Variants in ATE1 observed in about 807,000 individuals in gnomAD.
ATE1 encodes arginyl-tRNA--protein transferase 1.
A neutral mutation model predicts 70.5 loss-of-function variants in ATE1; 36 were observed. The observed-to-expected ratio is 0.51, with a 90% CI of 0.39 to 0.67. ATE1 has a LOEUF of 0.67. Among genes scored for constraint, ATE1 ranks in the 30% least tolerant of loss-of-function variants. The probability of loss-of-function intolerance (pLI) is 0.00; values close to 1 mark genes in which losing one functional copy is unlikely to be tolerated. For missense variants in ATE1, 593 were observed against 629.5 expected, an observed-to-expected ratio of 0.94 and a Z score of 0.62; for synonymous variants, 232 against 219.3, an observed-to-expected ratio of 1.06 and a Z score of -0.51.
chr10:121,903,382 G>A (rs1368071258), intron 5 of ATE1, among the ~76,000 whole-genome samples: 3 of 152,066 alleles, frequency 2.0e-5, no homozygotes, highest in African/African-American at 7.2e-5. Flanking sequence ...TGATCCCAGC[G>A]CAAACACTGA....
intron 11 of ATE1, among the ~76,000 whole-genome samples, chr10:121,746,550 A>G (rs1273818817): frequency 1.3e-5 from 2 of 152,182 alleles, no homozygotes; most frequent in Non-Finnish European, 2.9e-5. Context: ...CTATAAATCA[A>G]CGGGACTGTT....
At chr10:121,898,639 A>T (rs534209706) in intron 7 of ATE1, among the ~76,000 whole-genome samples, 1 of 152,286 alleles carries the variant, frequency 6.6e-6, no homozygotes, top group Admixed American at 6.5e-5. Flanking sequence ...GTTCCTAGAG[A>T]AAACACTAAG....
intron 10 of ATE1, among the ~76,000 whole-genome samples, chr10:121,806,627 G>A (rs1271052946): frequency 1.3e-5 from 2 of 152,182 alleles, no homozygotes; most frequent in Non-Finnish European, 1.5e-5. Context: ...TGACAATGAT[G>A]TTGCAGTTAG....
intron 10 of ATE1, among the ~76,000 whole-genome samples, chr10:121,815,410 C>T (rs1338003839): frequency 1.3e-5 from 2 of 152,246 alleles, no homozygotes; most frequent in Admixed American, 6.5e-5. Context: ...GCTGGGATTA[C>T]AGGCGTGAGC....
rs371638194 is a variant in ATE1, at chr10:121,900,219, C to T, written c.814-225G>A. Among the ~76,000 whole-genome samples the T allele has an allele frequency of 3.3e-4, 51 of 152,272 alleles. No individual in the cohort carries two copies. In the South Asian group the frequency reaches 7.7e-3, roughly 23 times the overall value. On this transcript the variant is annotated intron_variant, in intron 6 of 11. Transcript: ENST00000224652. ...GGACGATCCCCTCTAAACTATAAGC[C>T]TCAGCTTTCATGACTGAATTATGTA...
intron 7 of ATE1, among the ~76,000 whole-genome samples, chr10:121,892,922 C>T (rs545219412): frequency 3.3e-5 from 5 of 152,288 alleles, no homozygotes; most frequent in Non-Finnish European, 5.9e-5. Context: ...CCCTCTAGGG[C>T]GTGACATCAG....
At chr10:121,794,640 G>A (rs926089254) in intron 10 of ATE1, among the ~76,000 whole-genome samples, 79 of 50,610 alleles carry the variant, frequency 1.6e-3, no homozygotes, top group Non-Finnish European at 2.1e-3. Context: ...AAAAGGAGAA[G>A]AGAATACCAA....
intron 8 of ATE1, among the ~76,000 whole-genome samples, chr10:121,851,146 TGTG>T (rs1487817351): frequency 3.5e-5 from 4 of 113,774 alleles, no homozygotes; most frequent in Non-Finnish European, 5.1e-5. Flanking sequence ...CCAGGCAGGG[TGTG>T]GTGGCTCACA....
At chr10:121,771,998 C>G (rs1029229556) in intron 11 of ATE1, among the ~76,000 whole-genome samples, 2 of 152,156 alleles carry the variant, frequency 1.3e-5, no homozygotes, top group Non-Finnish European at 2.9e-5. Flanking sequence ...TTTGTAAGAA[C>G]AATATTCTCG....
intron 7 of ATE1, among the ~76,000 whole-genome samples, chr10:121,894,019 C>A (rs1368414025): frequency 2.6e-5 from 4 of 151,974 alleles, no homozygotes; most frequent in African/African-American, 9.7e-5. Context: ...CGCCTGTAAT[C>A]CCAGCTACTA....
intron 11 of ATE1, among the ~76,000 whole-genome samples, chr10:121,756,463 G>A (rs1944806157): frequency 6.6e-6 from 1 of 152,186 alleles, no homozygotes; most frequent in African/African-American, 2.4e-5. Context: ...GGACTCTGTG[G>A]GAGGGCTCCA....
chr10:121,815,499 A>G (rs1325477553), intron 10 of ATE1, among the ~76,000 whole-genome samples: 2 of 152,182 alleles, frequency 1.3e-5, no homozygotes, highest in Admixed American at 1.3e-4. Context: ...TTTGCTAGAC[A>G]TATCTCATTG....
At chr10:121,882,614 T>G (rs1033186568) in intron 7 of ATE1, among the ~76,000 whole-genome samples, 1 of 152,202 alleles carries the variant, frequency 6.6e-6, no homozygotes, top group African/African-American at 2.4e-5. Flanking sequence ...AGTTCACATT[T>G]TCACCCTGGA....
At chr10:121,804,774 G>A (rs578071040) in intron 10 of ATE1, among the ~76,000 whole-genome samples, 1 of 142,224 alleles carries the variant, frequency 7.0e-6, no homozygotes, top group Admixed American at 7.1e-5. Context: ...GATATATAAT[G>A]TGTTTGAATC....
intron 8 of ATE1, among the ~76,000 whole-genome samples, chr10:121,860,722 GA>G (rs1270067609): frequency 1.3e-5 from 2 of 152,102 alleles, no homozygotes; most frequent in Non-Finnish European, 1.5e-5. Context: ...TCTTTACTTT[GA>G]CATTTCCTTT....
intron 10 of ATE1, among the ~76,000 whole-genome samples, chr10:121,834,749 T>C (rs1346191457): frequency 6.6e-6 from 1 of 152,064 alleles, no homozygotes; most frequent in African/African-American, 2.4e-5. Context: ...CAGGTTAAAA[T>C]ATAGGGCAAA....
chr10:121,908,483 G>A (rs1301955914), intron 5 of ATE1, among the ~76,000 whole-genome samples: 5 of 152,112 alleles, frequency 3.3e-5, no homozygotes, highest in African/African-American at 9.7e-5. Flanking sequence ...CAGCGTAGGC[G>A]ACAGAGTGAG....
At position 121,743,698 on chromosome 10, in the gene ATE1, C is replaced by T. The variant is rs1309371730; in HGVS notation, c.1539G>A (p.Met513Ile). The change falls in exon 12 of 12, where the codon ATG becomes ATA. Residue 513 changes from methionine (M) to isoleucine (I), a missense_variant. Physicochemically the swap from Met to Ile is conservative, Grantham distance 10. This residue lies in a region of ATE1 where 90 missense variants were observed against 93.7 expected (regional missense o/e 0.96). Transcript: ENST00000224652. ...GAACAGGTCAGTTTCTGAACAGCAGCATCCGCTCGGAGCACTTCTGCCCCA... is the reference window on the plus strand; with the variant it reads ...GAACAGGTCAGTTTCTGAACAGCAGTATCCGCTCGGAGCACTTCTGCCCCA... ...SLVGQKCSER[M>I]LLFRN 1 of 1,611,248 alleles carries T rather than the reference C, an allele frequency of 6.2e-7. No individual in the cohort carries two copies. The highest frequency in any genetic ancestry group is 8.5e-7 in the Non-Finnish European group (1 of 1,179,080).
At chr10:121,917,541 A>G (rs923352674) in intron 3 of ATE1, among the ~76,000 whole-genome samples, 4 of 152,194 alleles carry the variant, frequency 2.6e-5, no homozygotes, top group Admixed American at 1.3e-4. Context: ...GATGGGGACA[A>G]AAACGAGCTT....
Sources: gnomAD v4.1 joint callset for allele counts (sites outside exome capture counted in the v4.1 genomes callset) on GRCh38, gnomAD v4.1.1 for gene constraint, gnomAD v4.1.1 regional missense constraint, MANE v1.5 for transcripts, NCBI Gene and HGNC (gene_info 2026-07-23, HGNC 2026-07-21) for gene names.